The following XCR1 variants were observed in gnomAD, a reference collection of about 807,000 sequenced individuals.
XCR1 encodes chemokine XC receptor 1.
For missense variants in XCR1, 356 were observed against 424.2 expected, an observed-to-expected ratio of 0.84 and a Z score of 1.41; for synonymous variants, 187 against 188.5, an observed-to-expected ratio of 0.99 and a Z score of 0.06.
chr3:46,025,570 TAAATG>T (rs1708271623), intron 1 of XCR1, among the ~76,000 whole-genome samples: 1 of 152,196 alleles, frequency 6.6e-6, no homozygotes, highest in African/African-American at 2.4e-5. Context: ...TCCAACAACT[TAAATG>T]AAATGGATGA....
chr3:46,055,313 G>A (rs1285887889), intron 4 of XCR1, among the ~76,000 whole-genome samples: 1 of 152,098 alleles, frequency 6.6e-6, no homozygotes, highest in Non-Finnish European at 1.5e-5. Context: ...TCATGTACAT[G>A]AACAAAACAA....
At chr3:46,038,947 A>G (rs916328081) in intron 5 of XCR1, among the ~76,000 whole-genome samples, 4 of 152,132 alleles carry the variant, frequency 2.6e-5, no homozygotes, top group South Asian at 2.1e-4. Context: ...CAAATTAATT[A>G]CAATTAAGTG....
chr3:46,031,978 AC>A (rs1460425969), upstream of XCR1, among the ~76,000 whole-genome samples: 1 of 152,082 alleles, frequency 6.6e-6, no homozygotes, highest in Non-Finnish European at 1.5e-5. Flanking sequence ...TCATTGGGAC[AC>A]CCTGGCTGCA....
chr3:46,076,109 C>T lies in XCR1; in HGVS notation c.-328+631G>A, dbSNP rs116143083. On this transcript the variant is annotated intron_variant, in intron 2 of 5. Transcript: ENST00000683768. ...TGGGCCACCAAGATTTTTTAACAGT[C>T]ACCTTCCAACCCTGCCCCAAGTGAT... Among the ~76,000 whole-genome samples the T allele has an allele frequency of 2.0e-3, 312 of 152,328 alleles. 1 individual carries two copies. The highest frequency in any genetic ancestry group is 7.3e-3 in the African/African-American group (303 of 41,566).
chr3:46,053,648 G>C lies in XCR1; in HGVS notation c.-32+272C>G, dbSNP rs144384513. On this transcript the variant is annotated intron_variant, in intron 5 of 5. Coordinates refer to the XCR1 transcript ENST00000683768. ...ACTTTAAAACCTTTTTGATGAACCTGTTTTAATCCTTCTCCTGCTCTGTCC... is the reference window on the plus strand; with the variant it reads ...ACTTTAAAACCTTTTTGATGAACCTCTTTTAATCCTTCTCCTGCTCTGTCC... Among the ~76,000 whole-genome samples, 188 of 152,228 alleles carry C rather than the reference G, an allele frequency of 1.2e-3. 2 individuals carry two copies. In the East Asian group the frequency reaches 0.025, roughly 20 times the overall value.
At chr3:46,049,125 T>A (rs989955835) in intron 5 of XCR1, among the ~76,000 whole-genome samples, 1 of 152,188 alleles carries the variant, frequency 6.6e-6, no homozygotes, top group Non-Finnish European at 1.5e-5. Context: ...TGAAAATAAG[T>A]GTCTATAGTC....
chr3:46,070,295 T>C (rs992973368), intron 3 of XCR1, among the ~76,000 whole-genome samples: 1 of 152,126 alleles, frequency 6.6e-6, no homozygotes, highest in African/African-American at 2.4e-5. Context: ...GTCTATTAGG[T>C]CCATTTGGTC....
chr3:46,080,582 A>T (rs1478299396), intron 1 of XCR1, among the ~76,000 whole-genome samples: 1 of 151,896 alleles, frequency 6.6e-6, no homozygotes, highest in African/African-American at 2.4e-5. Flanking sequence ...ACAACAAAAA[A>T]CCCCAGCCCC....
intron 3 of XCR1, among the ~76,000 whole-genome samples, chr3:46,070,353 A>G (rs1575439382): frequency 6.6e-6 from 1 of 152,076 alleles, no homozygotes. Flanking sequence ...TTCTGTCTCA[A>G]TGATCTATCT....
At chr3:46,026,627 G>A (rs1167159740) in intron 1 of XCR1, among the ~76,000 whole-genome samples, 1 of 147,800 alleles carries the variant, frequency 6.8e-6, no homozygotes, top group African/African-American at 2.5e-5. Flanking sequence ...CTGTCCCCTA[G>A]TCTGGAGTGC....
At chr3:46,083,013 A>G (rs751125985) in intron 1 of XCR1, among the ~76,000 whole-genome samples, 9 of 152,244 alleles carry the variant, frequency 5.9e-5, no homozygotes, top group Non-Finnish European at 8.8e-5. Context: ...TCAGGGCCAC[A>G]TAAAAGCAAA....
chr3:46,076,020 C>T (rs562801182), intron 2 of XCR1, among the ~76,000 whole-genome samples: 36 of 152,226 alleles, frequency 2.4e-4, no homozygotes, highest in African/African-American at 8.2e-4. Context: ...AAACCAAGCA[C>T]GCACCATATG....
chr3:46,033,384 T>G (rs969347933), intron 5 of XCR1, among the ~76,000 whole-genome samples: 1 of 152,228 alleles, frequency 6.6e-6, no homozygotes, highest in Non-Finnish European at 1.5e-5. Context: ...TGTGTATAGA[T>G]TCCTCTTTTG....
intron 4 of XCR1, among the ~76,000 whole-genome samples, chr3:46,065,877 T>A (rs1320474487): frequency 6.6e-6 from 1 of 152,174 alleles, no homozygotes; most frequent in African/African-American, 2.4e-5. Flanking sequence ...AAACAGGCAT[T>A]TGAGAAGCTT....
At chr3:46,033,652 C>A (rs1203471461) in intron 5 of XCR1, among the ~76,000 whole-genome samples, 1 of 152,120 alleles carries the variant, frequency 6.6e-6, no homozygotes, top group Non-Finnish European at 1.5e-5. Flanking sequence ...TATTCTAGGT[C>A]TTTTGTCTTT....
chr3:46,027,914 C>T (rs189057220), upstream of XCR1, among the ~76,000 whole-genome samples: 1 of 152,296 alleles, frequency 6.6e-6, no homozygotes, highest in African/African-American at 2.4e-5. Context: ...GTCACTTCAG[C>T]CCCTGATTGG....
intron 1 of XCR1, among the ~76,000 whole-genome samples, chr3:46,077,251 C>T (rs1698276409): frequency 6.6e-6 from 1 of 152,118 alleles, no homozygotes; most frequent in Non-Finnish European, 1.5e-5. Flanking sequence ...TCTGCTGCTA[C>T]CCATTTCTAG....
chr3:46,021,622 A>T lies in XCR1; in HGVS notation c.326T>A (p.Phe109Tyr). 1 of 1,613,576 alleles carries T rather than the reference A, an allele frequency of 6.2e-7. No individual in the cohort carries two copies. Among genetic ancestry groups the T allele is most frequent in the South Asian group, 1.1e-5 (1 of 90,966 alleles). Residue 109 changes from phenylalanine (F) to tyrosine (Y), a missense_variant, in exon 2 of 2, where the codon TTC (phenylalanine) becomes TAC (tyrosine). Transcript: ENST00000309285. The surrounding 1 kb of genome is among the most constrained non-coding windows in gnomAD (Gnocchi z 4.7). ...GATGCTGCTGTAGAGGCTGATGGAGAAGATCATATTGAGGAGTTTGCAGAG... is the reference window on the plus strand; with the variant it reads ...GATGCTGCTGTAGAGGCTGATGGAGTAGATCATATTGAGGAGTTTGCAGAG... The part of the protein sequence containing the change: ...DFLCKLLNMI[F>Y]SISLYSSIFF...
At chr3:46,054,550 G>GGC (rs977713848) in intron 4 of XCR1, among the ~76,000 whole-genome samples, 14 of 151,942 alleles carry the variant, frequency 9.2e-5, no homozygotes, top group African/African-American at 3.1e-4. Context: ...AAAGGACGAG[G>GGC]GGGGGGCGAG....
Sources: allele counts gnomAD v4.1 joint callset (sites outside exome capture counted in the v4.1 genomes callset), GRCh38; gene constraint gnomAD v4.1.1; non-coding constraint Gnocchi (gnomAD v3.1); transcripts MANE v1.5; gene names NCBI Gene and HGNC (gene_info 2026-07-23, HGNC 2026-07-21).